OLFM2: variants seen among roughly 807,000 people sequenced by gnomAD.
OLFM2 encodes the protein noelin-2.
A neutral mutation model predicts 43.9 loss-of-function variants in OLFM2; 20 were observed. The ratio of observed to expected loss-of-function variants is 0.46; its 90% CI spans 0.32 to 0.66. The LOEUF (loss-of-function observed/expected upper bound fraction) is 0.66, where lower values mean the gene tolerates loss of function less well. OLFM2 is among the 30% of genes least tolerant of loss of function. The pLI is 0.04. For synonymous variants in OLFM2, 268 were observed against 278.6 expected, an observed-to-expected ratio of 0.96 and a Z score of 0.38; for missense variants, 416 against 643.6, an observed-to-expected ratio of 0.65 and a Z score of 3.83.
intron 1 of OLFM2, among the ~76,000 whole-genome samples, chr19:9,862,143 A>C (rs2145436079): frequency 6.6e-6 from 1 of 152,214 alleles, no homozygotes; most frequent in African/African-American, 2.4e-5. Flanking sequence ...TTGTCCATGG[A>C]GCTACTAGGA....
At chr19:9,935,071 C>A (rs1322002655) in intron 1 of OLFM2, among the ~76,000 whole-genome samples, 1 of 152,172 alleles carries the variant, frequency 6.6e-6, no homozygotes, top group Admixed American at 6.6e-5. Context: ...CTCTGTCACT[C>A]TCGAGCTTGA....
intron 1 of OLFM2, among the ~76,000 whole-genome samples, chr19:9,875,560 G>T (rs1181191706): frequency 6.7e-6 from 1 of 148,150 alleles, no homozygotes; most frequent in Admixed American, 6.9e-5. Flanking sequence ...GCACGATCAC[G>T]ACTCACTGCA....
rs1255512613 is a variant in OLFM2, at chr19:9,856,783, C to T, written c.687+24G>A. The T allele has an allele frequency of 1.9e-6, 3 of 1,596,588 alleles. No homozygotes were observed. Among genetic ancestry groups the T allele is most frequent in the South Asian group, 2.2e-5 (2 of 89,696 alleles). On this transcript the variant is annotated intron_variant, in intron 5 of 5. Transcript: ENST00000264833. The surrounding 1 kb of genome is among the most constrained non-coding windows in gnomAD (Gnocchi z 4.0). ...GCTCTGTCCCTCCCAGGCCCTGACC[C>T]CAGGGGTGGGCGCAGTCACTCACCC...
chr19:9,896,925 C>T (rs1402439945), intron 1 of OLFM2, among the ~76,000 whole-genome samples: 1 of 152,158 alleles, frequency 6.6e-6, no homozygotes, highest in Non-Finnish European at 1.5e-5. Flanking sequence ...GGTGCAGTGG[C>T]TCACACCTAT....
intron 1 of OLFM2, among the ~76,000 whole-genome samples, chr19:9,884,180 G>T (rs1470788027): frequency 6.6e-6 from 1 of 150,762 alleles, no homozygotes. Flanking sequence ...GAAAGAGGAG[G>T]ATCACCTGAG....
chr19:9,864,787 C>CTTTTT (rs34810133), intron 1 of OLFM2, among the ~76,000 whole-genome samples: 4 of 97,586 alleles, frequency 4.1e-5, no homozygotes, highest in Non-Finnish European at 5.6e-5. Context: ...ACACACCCAG[C>CTTTTT]TTTTTTTTTT....
intron 1 of OLFM2, among the ~76,000 whole-genome samples, chr19:9,924,389 G>A (rs1296391503): frequency 8.5e-6 from 1 of 117,660 alleles, no homozygotes; most frequent in Admixed American, 1.1e-4. Context: ...CTGGGCGACA[G>A]AGCGAGACTC....
At chr19:9,893,846 A>G (rs1488564466) in intron 1 of OLFM2, among the ~76,000 whole-genome samples, 1 of 152,156 alleles carries the variant, frequency 6.6e-6, no homozygotes, top group East Asian at 1.9e-4. Flanking sequence ...GAGCTATTAC[A>G]CACAGCATAA....
rs565899867 is a variant in OLFM2, at chr19:9,936,033, G to A, written c.63+271C>T. Among the ~76,000 whole-genome samples, 7 of 151,960 alleles carry A rather than the reference G, an allele frequency of 4.6e-5. 1 individual carries two copies. The South Asian group carries it at 1.5e-3, about 32-fold the overall frequency. On this transcript the variant is annotated intron_variant, in intron 1 of 5. Coordinates refer to ENST00000264833, the MANE Select transcript of OLFM2 (RefSeq NM_058164.4). ...CATTCAGCTCCAGCGAGATGGCGGG[G>A]TGGGGGCTCGGGGCCATGGAGGGGT...
chr19:9,914,007 A>ACCTC (rs1031077523), intron 1 of OLFM2, among the ~76,000 whole-genome samples: 1 of 87,434 alleles, frequency 1.1e-5, no homozygotes, highest in Non-Finnish European at 2.2e-5. Context: ...GGGGTGGGGG[A>ACCTC]CCTCCCCCTG....
At chr19:9,870,227 C>T (rs2046431993) in intron 1 of OLFM2, among the ~76,000 whole-genome samples, 1 of 152,122 alleles carries the variant, frequency 6.6e-6, no homozygotes, top group South Asian at 2.1e-4. Context: ...TCACACGCTG[C>T]CCTGCTATTA....
intron 1 of OLFM2, among the ~76,000 whole-genome samples, chr19:9,932,325 C>G (rs1011200781): frequency 3.3e-5 from 5 of 151,816 alleles, no homozygotes; most frequent in African/African-American, 1.2e-4. Context: ...TCAGGTGGCA[C>G]GTGCCTGTAG....
intron 5 of OLFM2, among the ~76,000 whole-genome samples, chr19:9,855,650 C>CA (rs1213893826): frequency 1.3e-5 from 2 of 152,088 alleles, no homozygotes; most frequent in African/African-American, 4.8e-5. Context: ...CCTCTCACCT[C>CA]AGCCCCCCGG....
intron 1 of OLFM2, among the ~76,000 whole-genome samples, chr19:9,902,639 C>G (rs1319385266): frequency 1.3e-5 from 2 of 152,066 alleles, no homozygotes; most frequent in Non-Finnish European, 2.9e-5. Context: ...CCTGCCTTGG[C>G]CTCCCAAAGT....
chr19:9,868,937 A>G (rs184763865), intron 1 of OLFM2, among the ~76,000 whole-genome samples: 1 of 150,874 alleles, frequency 6.6e-6, no homozygotes, highest in Non-Finnish European at 1.5e-5. Flanking sequence ...CCCTATCTCA[A>G]AAGAAAAAAA....
chr19:9,860,989 G>A (rs192826261), intron 1 of OLFM2, among the ~76,000 whole-genome samples, 195 bp from the exon 2 acceptor site: 1 of 152,260 alleles, frequency 6.6e-6, no homozygotes, highest in East Asian at 1.9e-4. Context: ...GAGGTGCGGA[G>A]GGCTTAAGGA....
chr19:9,871,714 A>G (rs939010447), intron 1 of OLFM2, among the ~76,000 whole-genome samples: 4 of 152,176 alleles, frequency 2.6e-5, no homozygotes, highest in Admixed American at 6.6e-5. Flanking sequence ...CCCTGATCAC[A>G]GTCGCCATTA....
intron 1 of OLFM2, among the ~76,000 whole-genome samples, chr19:9,865,323 C>T (rs1286133528): frequency 1.3e-5 from 2 of 151,582 alleles, no homozygotes; most frequent in Non-Finnish European, 2.9e-5. Flanking sequence ...CCTTTAGTCT[C>T]ACCATCGCAC....
chr19:9,885,359 G>A lies in OLFM2; in HGVS notation c.64-24565C>T, dbSNP rs983535366. ...GCCTGGTTTTCATCCCAAGAGAGCT[G>A]AGAACATGGTCTGGTGTCAGACATC... On this transcript the variant is annotated intron_variant, in intron 1 of 5. Coordinates refer to ENST00000264833, the MANE Select transcript of OLFM2 (RefSeq NM_058164.4). Among the ~76,000 whole-genome samples, 12 of 152,316 alleles carry A rather than the reference G, an allele frequency of 7.9e-5. No homozygotes were observed. In the South Asian group the frequency reaches 2.5e-3, roughly 32 times the overall value.
Sources: allele counts gnomAD v4.1 joint callset (sites outside exome capture counted in the v4.1 genomes callset), GRCh38; gene constraint gnomAD v4.1.1; non-coding constraint Gnocchi (gnomAD v3.1); transcripts MANE v1.5; gene names NCBI Gene and HGNC (gene_info 2026-07-23, HGNC 2026-07-21).